VIPR1: variants seen among roughly 807,000 people sequenced by gnomAD.
VIPR1 encodes vasoactive intestinal polypeptide receptor 1.
VIPR1 carries 59 observed loss-of-function variants against 58.8 expected under a neutral mutation model. The ratio of observed to expected loss-of-function variants is 1.00; its 90% CI spans 0.81 to 1.25. VIPR1 has a LOEUF of 1.25. Ranked by LOEUF, VIPR1 falls within the 50% of genes most tolerant of loss-of-function variation. VIPR1 has a pLI of 0.00. For synonymous variants in VIPR1, 251 were observed against 242.1 expected (o/e 1.04, Z -0.34); for missense variants, 626 against 602.7 (o/e 1.04, Z -0.40).
At chr3:42,523,173 T>C (rs1399122646) in intron 3 of VIPR1, among the ~76,000 whole-genome samples, 1 of 151,896 alleles carries the variant, frequency 6.6e-6, no homozygotes, top group East Asian at 1.9e-4. Flanking sequence ...TCTACAGATA[T>C]TGGGCCTGCC....
intron 3 of VIPR1, among the ~76,000 whole-genome samples, chr3:42,522,400 C>A (rs890691147): frequency 5.3e-5 from 8 of 152,068 alleles, no homozygotes; most frequent in African/African-American, 2.4e-5. Flanking sequence ...AACCACCATG[C>A]CTGGCCTCTA....
chr3:42,525,613 G>A (rs1309631739), intron 3 of VIPR1, among the ~76,000 whole-genome samples: 1 of 152,218 alleles, frequency 6.6e-6, no homozygotes, highest in African/African-American at 2.4e-5. Context: ...AAGAGTGTAT[G>A]TTGTACTTGG....
chr3:42,519,238 G>A lies in VIPR1; in HGVS notation c.200G>A (p.Trp67Ter), dbSNP rs1209180361. ...ACCCCCATAGGCTGCAGCAAGATGT[G>A]GGACAACCTCACCTGCTGGCCAGCC... is the stretch of plus-strand genomic sequence containing the variant. ...ENETIGCSKM[W>*]DNLTCWPATP... is the part of the protein sequence containing the mutation. The change falls in exon 3 of 13, where the codon TGG becomes TAG. Residue 67 changes from tryptophan to a stop codon, truncating the protein, a stop_gained. Coordinates refer to ENST00000325123, the MANE Select transcript of VIPR1 (RefSeq NM_004624.4). LOFTEE classifies it high-confidence loss of function. 6.2e-7 allele frequency: 1 copy of A among 1,609,518 alleles called. No individual in the cohort carries two copies. Among genetic ancestry groups the A allele is most frequent in the East Asian group, 2.2e-5 (1 of 44,448 alleles).
chr3:42,500,579 T>G (rs1699848559), upstream of VIPR1, among the ~76,000 whole-genome samples: 2 of 152,166 alleles, frequency 1.3e-5, no homozygotes, highest in South Asian at 4.1e-4. Flanking sequence ...CCCACAGGTT[T>G]GCTCTTCACA....
At chr3:42,523,998 A>G (rs1334938908) in intron 3 of VIPR1, among the ~76,000 whole-genome samples, 2 of 152,128 alleles carry the variant, frequency 1.3e-5, no homozygotes, top group South Asian at 2.1e-4. Context: ...TTGTATTTTT[A>G]GTAAAGACAG....
chr3:42,501,760 A>G (rs2125627671), upstream of VIPR1, among the ~76,000 whole-genome samples: 2 of 152,350 alleles, frequency 1.3e-5, no homozygotes, highest in South Asian at 4.1e-4. This position sits in a 1 kb window ranked among gnomAD's most constrained non-coding sequence, Gnocchi z 4.8. Flanking sequence ...TAGGGAATGC[A>G]GGAGGAGGAC....
Position 42,495,401 on chromosome 3 carries a change from A to G in VIPR1, c.-245+5723A>G, listed in dbSNP as rs372066444. Among the ~76,000 whole-genome samples the G allele has an allele frequency of 1.0e-3, 159 of 152,288 alleles. 1 individual carries two copies. Among genetic ancestry groups the G allele is most frequent in the Admixed American group, 5.3e-3 (81 of 15,298 alleles). ...CTCCCAAAGTGCTGGGATTACAGGCATGAGCCACTGTGCCTGGCCTGCTGT... is the reference window on the plus strand; with the variant it reads ...CTCCCAAAGTGCTGGGATTACAGGCGTGAGCCACTGTGCCTGGCCTGCTGT... On this transcript the variant is annotated intron_variant, in intron 1 of 13. Coordinates refer to the VIPR1 transcript ENST00000433647.
chr3:42,530,672 T>G (rs762925532), intron 6 of VIPR1, 107 bp from the exon 7 acceptor site: 132 of 1,317,154 alleles, frequency 1.0e-4, no homozygotes, highest in Non-Finnish European at 1.3e-4. Context: ...AACAAAGAGA[T>G]TAAGTTGGCT....
At chr3:42,535,879 C>T (rs1701813640) in intron 12 of VIPR1, among the ~76,000 whole-genome samples, 1 of 152,166 alleles carries the variant, frequency 6.6e-6, no homozygotes, top group South Asian at 2.1e-4. Flanking sequence ...TCCTCTCTGC[C>T]TCTTACCTCC....
intron 11 of VIPR1, 51 bp from the exon 12 acceptor site, chr3:42,535,292 T>A (rs372584507): frequency 6.2e-7 from 1 of 1,605,724 alleles, no homozygotes; most frequent in African/African-American, 1.3e-5. Flanking sequence ...GGGGCAGGGC[T>A]GGGGGCTTCT....
At position 42,502,701 on chromosome 3, in the gene VIPR1, G is replaced by A. The variant is rs1051870228; in HGVS notation, c.-35G>A. Reference sequence around the variant, plus strand: ...TGCGCCGCCCGCCAGCTCTTTGCCCGCGCGGGGCCGCCCGCCGCGGGCTCA... The same window carrying A: ...TGCGCCGCCCGCCAGCTCTTTGCCCACGCGGGGCCGCCCGCCGCGGGCTCA... On this transcript the variant is annotated 5_prime_UTR_variant, in exon 1 of 13. Coordinates refer to ENST00000325123, the MANE Select transcript of VIPR1 (RefSeq NM_004624.4). The A allele has an allele frequency of 4.3e-5, 55 of 1,276,688 alleles. No homozygotes were observed. The Admixed American group carries it at 2.3e-3, about 53-fold the overall frequency. The allele number at this position is 1,276,688 out of a possible 1,614,324, so 79.1% of individuals were successfully genotyped here. A position where few individuals can be genotyped will look rare whatever the true frequency, so the allele number is the denominator to read the frequency against.
At chr3:42,515,577 C>T (rs1029007557) in intron 2 of VIPR1, among the ~76,000 whole-genome samples, 14 of 152,248 alleles carry the variant, frequency 9.2e-5, no homozygotes, top group African/African-American at 3.4e-4. Flanking sequence ...ACAGCGTTCC[C>T]GTCGGGTGCC....
At chr3:42,525,341 A>C in intron 3 of VIPR1, among the ~76,000 whole-genome samples, 1 of 151,540 alleles carries the variant, frequency 6.6e-6, no homozygotes, top group African/African-American at 2.4e-5. Flanking sequence ...TCCCCCTCAC[A>C]TGCCTTTGCC....
Position 42,519,226 on chromosome 3 carries a change from G to A in VIPR1, c.188G>A (p.Cys63Tyr). ...EAQLENETIG[C>Y]SKMWDNLTCW... Reference sequence around the variant, plus strand: ...GTCTTCTGCCTTACCCCCATAGGCTGCAGCAAGATGTGGGACAACCTCACC... The same window carrying A: ...GTCTTCTGCCTTACCCCCATAGGCTACAGCAAGATGTGGGACAACCTCACC... Residue 63 changes from cysteine to tyrosine, a missense_variant, in exon 3 of 13, where the codon TGC becomes TAC. By Grantham distance (194) the Cys-to-Tyr change is radical. Transcript: ENST00000325123. The A allele has an allele frequency of 6.2e-7, 1 of 1,607,212 alleles. No homozygotes were observed. Among genetic ancestry groups the A allele is most frequent in the Non-Finnish European group, 8.5e-7 (1 of 1,176,952 alleles).
chr3:42,531,582 C>T, intron 8 of VIPR1, 51 bp downstream of exon 8: 2 of 1,583,274 alleles, frequency 1.3e-6, no homozygotes, highest in Admixed American at 1.8e-5. Context: ...TGGGCAGGCC[C>T]CCTGGGTGGG....
chr3:42,525,814 G>C, intron 3 of VIPR1, 73 bp from the exon 4 acceptor site: 3 of 1,448,486 alleles, frequency 2.1e-6, no homozygotes, highest in Middle Eastern at 2.1e-4. Flanking sequence ...TCTCTGCCTT[G>C]TTCCAAGCAG....
chr3:42,511,413 G>C (rs915757126), intron 1 of VIPR1, among the ~76,000 whole-genome samples: 1 of 152,190 alleles, frequency 6.6e-6, no homozygotes, highest in African/African-American at 2.4e-5. Context: ...CTGTGGCCAG[G>C]AATGCTCTGA....
intron 3 of VIPR1, among the ~76,000 whole-genome samples, chr3:42,519,990 T>C (rs1301414390): frequency 6.6e-6 from 1 of 152,112 alleles, no homozygotes; most frequent in African/African-American, 2.4e-5. Flanking sequence ...AGATGTATCA[T>C]CAATAATAAA....
intron 1 of VIPR1, among the ~76,000 whole-genome samples, chr3:42,497,580 T>C (rs1242301043): frequency 1.3e-5 from 2 of 152,198 alleles, no homozygotes; most frequent in Admixed American, 1.3e-4. Flanking sequence ...CCATGACCCC[T>C]GATACGGTTT....
Sources: gnomAD v4.1 joint callset for allele counts (sites outside exome capture counted in the v4.1 genomes callset) on GRCh38, gnomAD v4.1.1 for gene constraint, Gnocchi (gnomAD v3.1) non-coding constraint, MANE v1.5 for transcripts, NCBI Gene and HGNC (gene_info 2026-07-23, HGNC 2026-07-21) for gene names.